The following NAT10 variants were observed in gnomAD, a reference collection of about 807,000 sequenced individuals.
NAT10 encodes RNA cytidine acetyltransferase.
In NAT10, 109 loss-of-function variants were observed where a neutral mutation model predicts 132.2. The ratio of observed to expected loss-of-function variants is 0.82; its 90% confidence interval spans 0.71 to 0.97. NAT10 has a LOEUF of 0.97. Among genes scored for constraint, NAT10 ranks in the 50% least tolerant of loss-of-function variants. NAT10 has a pLI of 0.00. For missense variants in NAT10, 1,184 were observed against 1,263.4 expected (o/e 0.94, Z 0.95); for synonymous variants, 479 against 478.0 (o/e 1.00, Z -0.03).
At chr11:34,124,216 A>G (rs972058236) in intron 10 of NAT10, 86 bp from the exon 11 acceptor site, 6 of 850,844 alleles carry the variant, frequency 7.1e-6, no homozygotes, top group Admixed American at 4.5e-5. Flanking sequence ...ATCCAAGTGA[A>G]GTCTTTAGAA....
At chr11:34,142,964 AG>A (rs1205898018) in intron 27 of NAT10, among the ~76,000 whole-genome samples, 1 of 152,146 alleles carries the variant, frequency 6.6e-6, no homozygotes, top group East Asian at 1.9e-4. Flanking sequence ...ATCGAGCTCT[AG>A]TTTTTGCCCT....
At chr11:34,115,159 A>G (rs1851763185) in intron 5 of NAT10, among the ~76,000 whole-genome samples, 1 of 152,220 alleles carries the variant, frequency 6.6e-6, no homozygotes, top group African/African-American at 2.4e-5. Context: ...CCGTCTCAAA[A>G]TAAATAAATA....
chr11:34,127,592 A>G lies in NAT10; in HGVS notation c.1237A>G (p.Ile413Val), dbSNP rs1852018793. The part of the protein sequence containing the change: ...GPYLVFMAST[I>V]NGYEGTGRSL... ...CTACCTTGTTTTCATGGCATCCACCATCAATGGGTAAGGTACTGTGGGCAG... is the reference window on the plus strand; with the variant it reads ...CTACCTTGTTTTCATGGCATCCACCGTCAATGGGTAAGGTACTGTGGGCAG... The change falls in exon 12 of 29, where the codon ATC (isoleucine) becomes GTC (valine). Residue 413 changes from isoleucine (I) to valine (V), a missense_variant. Transcript: ENST00000257829. 1.2e-6 allele frequency: 2 copies of G among 1,612,652 alleles called. No homozygotes were observed. The highest frequency in any genetic ancestry group is 2.7e-5 in the African/African-American group (2 of 74,892).
chr11:34,132,084 C>T (rs749311892), intron 14 of NAT10, 41 bp from the exon 15 acceptor site: 45 of 1,453,270 alleles, frequency 3.1e-5, no homozygotes, highest in Non-Finnish European at 3.8e-5. Context: ...GACCTGTCTT[C>T]GGCTATTTGT....
At chr11:34,114,778 G>A (rs1851756412) in intron 5 of NAT10, among the ~76,000 whole-genome samples, 1 of 152,092 alleles carries the variant, frequency 6.6e-6, no homozygotes, top group African/African-American at 2.4e-5. Context: ...CTCCTTAACC[G>A]GCTTTATTTT....
rs1214435334 is a variant in NAT10, at chr11:34,122,597, G to C, written c.914+5G>C. The C allele has an allele frequency of 6.2e-7, 1 of 1,613,816 alleles. No individual in the cohort carries two copies. Among genetic ancestry groups the C allele is most frequent in the Admixed American group, 1.7e-5 (1 of 59,988 alleles). On this transcript the variant is annotated splice_donor_5th_base_variant and intron_variant, in intron 9 of 28. Coordinates refer to ENST00000257829, the MANE Select transcript of NAT10 (RefSeq NM_024662.3). ...TGCTGGGGCGGTGGCATTTGGGTAA[G>C]GGGATTCAGTCCCCCATCTTTAGGA...
intron 21 of NAT10, among the ~76,000 whole-genome samples, chr11:34,137,256 A>G (rs1320078877): frequency 3.9e-5 from 6 of 152,230 alleles, no homozygotes; most frequent in Non-Finnish European, 1.5e-5. Context: ...GCTTAGTCAT[A>G]AAATGGCAGA....
chr11:34,109,292 C>A (rs1407765065), intron 3 of NAT10, among the ~76,000 whole-genome samples: 1 of 152,196 alleles, frequency 6.6e-6, no homozygotes, highest in African/African-American at 2.4e-5. Context: ...ACCCAATACC[C>A]TTTGGAAACT....
chr11:34,139,639 A>G (rs1478978178), intron 23 of NAT10, 144 bp downstream of exon 23: 3 of 684,810 alleles, frequency 4.4e-6, no homozygotes, highest in Non-Finnish European at 7.7e-6. Context: ...CCCGCTTGCC[A>G]GGCCCCTGCT....
chr11:34,139,256 C>G lies in NAT10; in HGVS notation c.2277C>G (p.Asp759Glu), dbSNP rs1298420117. The G allele has an allele frequency of 1.2e-5, 20 of 1,613,970 alleles. No homozygotes were observed. Among genetic ancestry groups the G allele is most frequent in the Non-Finnish European group, 1.7e-5 (20 of 1,180,018 alleles). ...CGCTCACTGATGAGGATGAGGCTGA[C>G]CAGGGAGGCTGGCTTGCAGCCTTCT... is the stretch of plus-strand genomic sequence containing the variant. ...LKTLTDEDEADQGGWLAAFWK... is the reference protein window; with the variant it reads ...LKTLTDEDEAEQGGWLAAFWK... The change falls in exon 22 of 29, where the codon GAC becomes GAG. Residue 759 changes from aspartate (D) to glutamate (E), a missense_variant. Physicochemically the swap from Asp to Glu is conservative, Grantham distance 45 (BLOSUM62 2). Coordinates refer to ENST00000257829, the MANE Select transcript of NAT10 (RefSeq NM_024662.3).
chr11:34,142,360 G>T lies in NAT10; in HGVS notation c.2885+12G>T. 6.2e-7 allele frequency: 1 copy of T among 1,613,070 alleles called. No individual in the cohort carries two copies. The highest frequency in any genetic ancestry group is 2.2e-5 in the East Asian group (1 of 44,870). ...ATGGACCTCTCTGAGTAAGGCTTGT[G>T]GGAAGCAGAGGGTTTGCCTTGGCTT... On this transcript the variant is annotated intron_variant, in intron 27 of 28. Coordinates refer to ENST00000257829, the MANE Select transcript of NAT10 (RefSeq NM_024662.3).
Position 34,122,402 on chromosome 11 carries a change from A to G in NAT10, c.781-57A>G, listed in dbSNP as rs373375810. 12 of 1,607,796 alleles carry G rather than the reference A, an allele frequency of 7.5e-6. No individual in the cohort carries two copies. In the East Asian group the frequency reaches 1.1e-4, roughly 15 times the overall value. On this transcript the variant is annotated intron_variant, in intron 8 of 28. Transcript: ENST00000257829. ...TCACTTCTCCACAGTGATGGTGATG[A>G]ATGGTGGAAACTTGGGTCTTTCTTG...
intron 6 of NAT10, among the ~76,000 whole-genome samples, chr11:34,116,579 G>A (rs1339543795): frequency 4.0e-5 from 6 of 150,468 alleles, no homozygotes; most frequent in Non-Finnish European, 7.4e-5. Context: ...CACCACACTC[G>A]GCTAATTTTT....
At chr11:34,108,036 G>A (rs1330815187) in intron 1 of NAT10, among the ~76,000 whole-genome samples, 175 bp from the exon 2 acceptor site, 1 of 152,194 alleles carries the variant, frequency 6.6e-6, no homozygotes, top group Non-Finnish European at 1.5e-5. Context: ...CCAAGCCTAA[G>A]GTTTCCTGAG....
chr11:34,133,028 C>G lies in NAT10; in HGVS notation c.1620C>G (p.Asn540Lys). 1 of 1,613,638 alleles carries G rather than the reference C, an allele frequency of 6.2e-7. No individual in the cohort carries two copies. Among genetic ancestry groups the G allele is most frequent in the Non-Finnish European group, 8.5e-7 (1 of 1,179,580 alleles). ...MALYVASHYKNSPNDLQMLSD... is the reference protein window; with the variant it reads ...MALYVASHYKKSPNDLQMLSD... ...TGACCCGTGTTTGGCTTCCACAGAA[C>G]TCTCCCAATGATCTCCAGATGCTCT... The change falls in exon 16 of 29, where the codon AAC (asparagine) becomes AAG (lysine). Residue 540 changes from asparagine (N) to lysine (K), a missense_variant and splice_region_variant. Transcript: ENST00000257829.
intron 8 of NAT10, among the ~76,000 whole-genome samples, chr11:34,120,907 G>A (rs774287240): frequency 8.5e-5 from 13 of 152,178 alleles, no homozygotes; most frequent in Non-Finnish European, 1.6e-4. Context: ...TGAAGGAGGC[G>A]AGGTGAGGAA....
chr11:34,115,841 A>G lies in NAT10; in HGVS notation c.514A>G (p.Arg172Gly). Residue 172 changes from arginine (R) to glycine (G), a missense_variant, in exon 6 of 29, where the codon AGA becomes GGA. Physicochemically the swap from Arg to Gly is moderately radical, Grantham distance 125. Transcript: ENST00000257829. ...TTGTTAGGATGTGCATTCCAGGTAC[A>G]GAACTGAGGCCCATCAGGATGTGGT... ...TVTMDVHSRY[R>G]TEAHQDVVGR... 3 of 1,614,156 alleles carry G rather than the reference A, an allele frequency of 1.9e-6. No individual in the cohort carries two copies. The highest frequency in any genetic ancestry group is 2.2e-5 in the South Asian group (2 of 91,058).
At chr11:34,140,159 T>C (rs1003544170) in intron 23 of NAT10, among the ~76,000 whole-genome samples, 1 of 152,196 alleles carries the variant, frequency 6.6e-6, no homozygotes, top group African/African-American at 2.4e-5. Context: ...CCTTGGTCCA[T>C]GTGTTCAGTA....
chr11:34,130,612 G>C (rs1488026238), intron 12 of NAT10, among the ~76,000 whole-genome samples: 1 of 152,194 alleles, frequency 6.6e-6, no homozygotes, highest in Non-Finnish European at 1.5e-5. Flanking sequence ...CCCAGGCCTG[G>C]GTGGCCCCAA....
Sources: gnomAD v4.1 joint callset for allele counts (sites outside exome capture counted in the v4.1 genomes callset) on GRCh38, gnomAD v4.1.1 for gene constraint, MANE v1.5 for transcripts, NCBI Gene and HGNC (gene_info 2026-07-23, HGNC 2026-07-21) for gene names.